SOCS7: variants seen among roughly 807,000 people sequenced by gnomAD.
SOCS7 encodes suppressor of cytokine signaling 7, also known as NAP-4.
Under a neutral mutation model 58.9 loss-of-function variants are expected in SOCS7, and 18 were observed. The ratio of observed to expected loss-of-function variants is 0.31; its 90% CI spans 0.21 to 0.45. The LOEUF (loss-of-function observed/expected upper bound fraction) is 0.45. SOCS7 is among the 20% of genes least tolerant of loss of function. The pLI is 1.00. For missense variants in SOCS7, 667 were observed against 837.3 expected (o/e 0.80, Z 2.51); for synonymous variants, 388 against 364.3 (o/e 1.06, Z -0.74).
rs1364626221 is a variant in SOCS7, at chr17:38,400,968, T to C, written c.*1486T>C. 2 of 152,280 alleles carry C rather than the reference T, an allele frequency of 1.3e-5. No homozygotes were observed. Among genetic ancestry groups the C allele is most frequent in the African/African-American group, 4.8e-5 (2 of 41,464 alleles). The allele number at this position is 152,280 out of a possible 1,614,324, so 9.4% of individuals were successfully genotyped here. ...TGCGTGTGTTCCATGGGACTCTCTTTCTGGGTTCCCCATGCTTATAGTTGC... is the reference window on the plus strand; with the variant it reads ...TGCGTGTGTTCCATGGGACTCTCTTCCTGGGTTCCCCATGCTTATAGTTGC... On this transcript the variant is annotated 3_prime_UTR_variant, in exon 10 of 10. Transcript: ENST00000612932.
In SOCS7 at chr17:38,352,637, C is replaced by T. The variant is rs1266460327; in HGVS notation, c.585C>T (p.Ser195=). 2 of 1,550,074 alleles carry T rather than the reference C, an allele frequency of 1.3e-6. No individual in the cohort carries two copies. Among genetic ancestry groups the T allele is most frequent in the Non-Finnish European group, 1.7e-6 (2 of 1,146,860 alleles). ...AGGCCGAGAGCCTGGAGACTAACAG[C>T]TGCTCGGAAGAGGAGCTCAGCAGCC... ...ESEAESLETN[S]CSEEELSSPG... is the part of the protein sequence containing the mutation. The change falls in exon 1 of 10, where the codon AGC becomes AGT. Residue 195 remains serine (S), a synonymous_variant. Coordinates refer to ENST00000612932, the MANE Select transcript of SOCS7 (RefSeq NM_014598.4). This position sits in a 1 kb window ranked among gnomAD's most constrained non-coding sequence, Gnocchi z 5.5.
intron 7 of SOCS7, among the ~76,000 whole-genome samples, chr17:38,387,014 G>A (rs2038076153): frequency 7.0e-6 from 1 of 142,998 alleles, no homozygotes; most frequent in South Asian, 2.2e-4. Context: ...TGAATCGGGA[G>A]GCAGAGCTTG....
In SOCS7 at chr17:38,352,999, G is replaced by A. The variant is rs2037580440; in HGVS notation, c.947G>A (p.Gly316Glu). Residue 316 changes from glycine to glutamate, a missense_variant, in exon 1 of 10, where the codon GGA becomes GAA. Around this residue, in one of 9 missense-constraint regions of SOCS7, gnomAD observed 208 missense variants for 190.3 expected, o/e 1.09. Transcript: ENST00000612932. This position sits in a 1 kb window ranked among gnomAD's most constrained non-coding sequence, Gnocchi z 5.5. ...AASAASLTDMGGSAGRELDAG... is the reference protein window; with the variant it reads ...AASAASLTDMEGSAGRELDAG... ...TCAGCTGCGAGCCTGACAGACATGGGAGGCTCTGCGGGCCGGGAGCTGGAC... is the reference window on the plus strand; with the variant it reads ...TCAGCTGCGAGCCTGACAGACATGGAAGGCTCTGCGGGCCGGGAGCTGGAC... 4 of 1,600,246 alleles carry A rather than the reference G, an allele frequency of 2.5e-6. No homozygotes were observed. In the Middle Eastern group the frequency reaches 5.0e-4, roughly 199 times the overall value.
Position 38,352,087 on chromosome 17 carries a change from C to A in SOCS7, c.35C>A (p.Ala12Glu). Residue 12 changes from alanine (A) to glutamate (E), a missense_variant, in exon 1 of 10, where the codon GCG becomes GAG. Around this residue, in one of 9 missense-constraint regions of SOCS7, gnomAD observed 65 missense variants for 51.0 expected, o/e 1.27. Coordinates refer to ENST00000612932, the MANE Select transcript of SOCS7 (RefSeq NM_014598.4). This position sits in a 1 kb window ranked among gnomAD's most constrained non-coding sequence, Gnocchi z 5.5. Reference sequence around the variant, plus strand: ...GCCGAGCTCCGGGATGGCGAGGCGGCGGCGGCGGCCGCTTCGTACCGCGTC... The same window carrying A: ...GCCGAGCTCCGGGATGGCGAGGCGGAGGCGGCGGCCGCTTCGTACCGCGTC... ...QEAELRDGEA[A>E]AAAASYRVLS... 2.0e-6 allele frequency: 1 copy of A among 493,760 alleles called. No individual in the cohort carries two copies. The highest frequency in any genetic ancestry group is 3.0e-6 in the Non-Finnish European group (1 of 333,956). 30.6% of individuals were successfully genotyped at this position (493,760 alleles called of 1,614,324 possible).
chr17:38,360,200 CTT>C (rs758707127), intron 1 of SOCS7, among the ~76,000 whole-genome samples: 9 of 140,148 alleles, frequency 6.4e-5, no homozygotes, highest in Admixed American at 7.2e-5. Context: ...ATTTCTTTTT[CTT>C]TTTTTTTTTT....
rs1224904881 is a variant in SOCS7 at position 38,403,866 on chromosome 17, T to C, written c.*4384T>C. Reference sequence around the variant, plus strand: ...AACACAGCTGTTCTTCCACTGAATTTGTGCTATTGCATACATGTAGCCATC... The same window carrying C: ...AACACAGCTGTTCTTCCACTGAATTCGTGCTATTGCATACATGTAGCCATC... On this transcript the variant is annotated 3_prime_UTR_variant, in exon 10 of 10. Transcript: ENST00000612932. 1 of 152,172 alleles carries C rather than the reference T, an allele frequency of 6.6e-6. No individual in the cohort carries two copies. Among genetic ancestry groups the C allele is most frequent in the Non-Finnish European group, 1.5e-5 (1 of 68,016 alleles). The allele number at this position is 152,172 out of a possible 1,614,324, so 9.4% of individuals were successfully genotyped here.
At chr17:38,381,323 A>G (rs1209321426) in intron 7 of SOCS7, among the ~76,000 whole-genome samples, 1 of 152,126 alleles carries the variant, frequency 6.6e-6, no homozygotes, top group African/African-American at 2.4e-5. Flanking sequence ...GGAAGGCATT[A>G]TATAAGCTTG....
intron 9 of SOCS7, among the ~76,000 whole-genome samples, chr17:38,399,194 G>A (rs1167541743): frequency 6.6e-6 from 1 of 152,068 alleles, no homozygotes; most frequent in Non-Finnish European, 1.5e-5. Context: ...TAGAGCAATT[G>A]AGCCTCAGGG....
chr17:38,364,674 C>A, intron 2 of SOCS7, 78 bp from the exon 3 acceptor site: 1 of 1,178,768 alleles, frequency 8.5e-7, no homozygotes, highest in Non-Finnish European at 1.3e-6. Flanking sequence ...CGCCTGCTTG[C>A]CCTTTGCTTC....
At chr17:38,373,235 G>A (rs991174747) in intron 6 of SOCS7, among the ~76,000 whole-genome samples, 10 of 152,162 alleles carry the variant, frequency 6.6e-5, no homozygotes, top group African/African-American at 2.4e-4. Context: ...AGTTAATGCC[G>A]GCAATGGATG....
intron 1 of SOCS7, among the ~76,000 whole-genome samples, chr17:38,358,569 CT>C (rs2037670994): frequency 6.6e-6 from 1 of 151,350 alleles, no homozygotes; most frequent in African/African-American, 2.4e-5. Flanking sequence ...GTATTAGTAT[CT>C]TGCTTTGTTG....
chr17:38,392,087 T>C (rs1309171739), intron 7 of SOCS7, among the ~76,000 whole-genome samples: 2 of 152,248 alleles, frequency 1.3e-5, no homozygotes, highest in Non-Finnish European at 2.9e-5. Context: ...GGTCTTATCC[T>C]GGATTCTTCA....
chr17:38,358,561 A>G (rs942509348), intron 1 of SOCS7, among the ~76,000 whole-genome samples: 1 of 151,452 alleles, frequency 6.6e-6, no homozygotes, highest in Non-Finnish European at 1.5e-5. Flanking sequence ...AATTTTATGT[A>G]TTAGTATCTT....
Position 38,352,307 on chromosome 17 carries a change from G to T in SOCS7, c.255G>T (p.Pro85=). ...AGGACGTGGAGGCGGCCCCGGAGCCGGGACCCTCGGAACTGCTGTGTCCCC... is the reference window on the plus strand; with the variant it reads ...AGGACGTGGAGGCGGCCCCGGAGCCTGGACCCTCGGAACTGCTGTGTCCCC... ...EEEDVEAAPE[P]GPSELLCPRH... The change falls in exon 1 of 10, where the codon CCG becomes CCT. Residue 85 remains proline (P), a synonymous_variant. Transcript: ENST00000612932. The surrounding 1 kb of genome is among the most constrained non-coding windows in gnomAD (Gnocchi z 5.5). 1.3e-6 allele frequency: 2 copies of T among 1,485,344 alleles called. No homozygotes were observed. Among genetic ancestry groups the T allele is most frequent in the East Asian group, 2.9e-5 (1 of 34,558 alleles). The allele number at this position is 1,485,344 out of a possible 1,614,324, so 92.0% of individuals were successfully genotyped here. A position where few individuals can be genotyped will look rare whatever the true frequency, so the allele number is the denominator to read the frequency against.
At chr17:38,380,968 G>A (rs2037993270) in intron 7 of SOCS7, among the ~76,000 whole-genome samples, 1 of 152,170 alleles carries the variant, frequency 6.6e-6, no homozygotes, top group Admixed American at 6.5e-5. Context: ...TACTCTAAAG[G>A]TAACTCGGTT....
At chr17:38,364,108 T>A (rs915771372) in intron 2 of SOCS7, among the ~76,000 whole-genome samples, 8 of 152,204 alleles carry the variant, frequency 5.3e-5, no homozygotes, top group African/African-American at 1.9e-4. Context: ...TTAGATTACC[T>A]GACTTTTGTC....
At chr17:38,371,673 C>G (rs971340413) in intron 6 of SOCS7, among the ~76,000 whole-genome samples, 1 of 151,248 alleles carries the variant, frequency 6.6e-6, no homozygotes, top group African/African-American at 2.4e-5. Flanking sequence ...TCTTGAACTC[C>G]TGAGCTCAAG....
chr17:38,353,013 C>T lies in SOCS7; in HGVS notation c.961C>T (p.Arg321Trp). 5 of 1,591,926 alleles carry T rather than the reference C, an allele frequency of 3.1e-6. No homozygotes were observed. The highest frequency in any genetic ancestry group is 4.3e-6 in the Non-Finnish European group (5 of 1,169,706). The change falls in exon 1 of 10, where the codon CGG (arginine) becomes TGG (tryptophan). Residue 321 changes from arginine to tryptophan, a missense_variant. Physicochemically the swap from Arg to Trp is moderately radical, Grantham distance 101. Transcript: ENST00000612932. Reference protein sequence around the residue: ...SLTDMGGSAGRELDAGRKPKL... With the variant: ...SLTDMGGSAGWELDAGRKPKL... ...GACAGACATGGGAGGCTCTGCGGGC[C>T]GGGAGCTGGACGCGGGGAGGTGAGA...
At chr17:38,358,254 G>T (rs587699759) in intron 1 of SOCS7, among the ~76,000 whole-genome samples, 1 of 152,212 alleles carries the variant, frequency 6.6e-6, no homozygotes, top group Admixed American at 6.6e-5. Flanking sequence ...GAGGTGATCT[G>T]GGGAAGAATA....
Sources: allele counts gnomAD v4.1 joint callset (sites outside exome capture counted in the v4.1 genomes callset), GRCh38; gene constraint gnomAD v4.1.1; regional missense constraint gnomAD v4.1.1; non-coding constraint Gnocchi (gnomAD v3.1); transcripts MANE v1.5; gene names NCBI Gene and HGNC (gene_info 2026-07-23, HGNC 2026-07-21).